Variants in FRMPD4 observed in about 807,000 individuals in gnomAD.
FRMPD4 encodes the protein FERM and PDZ domain-containing protein 4.
FRMPD4 carries 22 observed loss-of-function variants against 94.1 expected under a neutral mutation model. That is an observed-to-expected ratio of 0.23 (90% CI 0.17 to 0.33). The LOEUF is 0.33. FRMPD4 is among the 10% of genes least tolerant of loss of function. The probability of loss-of-function intolerance (pLI) is 1.00; values close to 1 mark genes in which losing one functional copy is unlikely to be tolerated. For missense variants in FRMPD4, 1,111 were observed against 1,339.9 expected, an observed-to-expected ratio of 0.83 and a Z score of 2.67; for synonymous variants, 631 against 548.6, an observed-to-expected ratio of 1.15 and a Z score of -2.10.
intron 1 of FRMPD4, among the ~76,000 whole-genome samples, chrX:12,362,390 T>A (rs1379119767): frequency 9.1e-6 from 1 of 110,210 alleles, no homozygotes; most frequent in Admixed American, 9.7e-5. Flanking sequence ...CGGTGTGTGA[T>A]GTTCCCCACC....
intron 1 of FRMPD4, among the ~76,000 whole-genome samples, chrX:12,423,055 A>AAGAGCAAAG: frequency 9.0e-6 from 1 of 110,552 alleles, no homozygotes; most frequent in Non-Finnish European, 1.9e-5. Flanking sequence ...GTAGGTTTCC[A>AAGAGCAAAG]AGAGCAAAGT....
chrX:12,001,201 A>G lies in FRMPD4; in HGVS notation c.95+123183A>G, dbSNP rs191624816. On this transcript the variant is annotated intron_variant, in intron 3 of 18. Transcript: ENST00000640291. ...CTCTATATACACCCCACTCCCTGGC[A>G]TAACATTTAATGTGTAGGCATTTGC... Among the ~76,000 whole-genome samples the G allele has an allele frequency of 2.5e-4, 28 of 111,956 alleles. No individual in the cohort carries two copies. In the East Asian group the frequency reaches 6.7e-3, roughly 27 times the overall value.
intron 3 of FRMPD4, among the ~76,000 whole-genome samples, chrX:12,073,572 G>T (rs756785768): frequency 4.6e-4 from 51 of 111,794 alleles, no homozygotes; most frequent in African/African-American, 1.7e-3. Flanking sequence ...GCTGACCCTT[G>T]TTTTATGGCA....
At chrX:11,859,919 T>C (rs773635905) in intron 1 of FRMPD4, among the ~76,000 whole-genome samples, 1 of 112,228 alleles carries the variant, frequency 8.9e-6, no homozygotes, top group Admixed American at 9.5e-5. Flanking sequence ...CCATGCCCTT[T>C]TCTTTCTTTT....
rs2042079554 is a variant in FRMPD4 at position 12,716,279 on chromosome X, A to T, written c.1820A>T (p.Asn607Ile). 8.3e-6 allele frequency: 10 copies of T among 1,210,900 alleles called. No individual in the cohort carries two copies. Among genetic ancestry groups the T allele is most frequent in the Non-Finnish European group, 1.1e-5 (10 of 894,590 alleles). Residue 607 changes from asparagine to isoleucine, a missense_variant, in exon 15 of 17, where the codon AAC becomes ATC. By Grantham distance (149) the Asn-to-Ile change is moderately radical. This residue lies in a region of FRMPD4 where 192 missense variants were observed against 192.5 expected (regional missense o/e 1.00). Transcript: ENST00000675598. ...AATGCCTATAGTTCAGATGGACTTA[A>T]CCAGCAGCTGAGCCAGCCCGGGGAG... The part of the protein sequence containing the change: ...IDNAYSSDGL[N>I]QQLSQPGEAP...
chrX:12,440,703 A>G (rs1189578085), intron 1 of FRMPD4, among the ~76,000 whole-genome samples: 1 of 107,459 alleles, frequency 9.3e-6, no homozygotes, highest in African/African-American at 3.4e-5. Context: ...GGGACTTGGG[A>G]GGGGGGGGAG....
chrX:12,156,296 C>T (rs778729091), intron 1 of FRMPD4, among the ~76,000 whole-genome samples: 3 of 111,654 alleles, frequency 2.7e-5, no homozygotes, highest in Admixed American at 1.9e-4. Context: ...GCAGCTCTCC[C>T]TACCTCTGTT....
chrX:12,132,239 G>GA (rs35315847), intron 3 of FRMPD4, among the ~76,000 whole-genome samples: 15,462 of 103,488 alleles, frequency 0.15, 917 homozygotes, highest in South Asian at 0.38. Context: ...GTTTAGGAGG[G>GA]AAAAAAAAAA....
intron 1 of FRMPD4, among the ~76,000 whole-genome samples, chrX:12,441,290 A>G (rs2057133554): frequency 8.9e-6 from 1 of 112,522 alleles, no homozygotes; most frequent in South Asian, 3.7e-4. Context: ...CCCAAATTGC[A>G]TATTTAAAAA....
Position 12,710,449 on chromosome X carries a change from G to A in FRMPD4, c.1521G>A (p.Leu507=), listed in dbSNP as rs765418336. The change falls in exon 14 of 17, where the codon TTG becomes TTA. Residue 507 remains leucine (L), a synonymous_variant. Transcript: ENST00000675598. ...CAGATGCCATGAACCTGGCCTGCTT[G>A]ACGGCTGGATACTACCGGCTGCTTG... ...ESSDAMNLAC[L]TAGYYRLLVD... is the part of the protein sequence containing the mutation. 5.8e-6 allele frequency: 7 copies of A among 1,201,784 alleles called. No homozygotes were observed. The South Asian group carries it at 1.2e-4, about 21-fold the overall frequency.
chrX:12,664,562 C>T (rs1290058320), intron 4 of FRMPD4, among the ~76,000 whole-genome samples: 1 of 111,944 alleles, frequency 8.9e-6, no homozygotes, highest in Non-Finnish European at 1.9e-5. Context: ...CCGACTTGAT[C>T]ATGGTGGATA....
chrX:12,121,060 C>A (rs2055449590), intron 3 of FRMPD4, among the ~76,000 whole-genome samples: 1 of 108,520 alleles, frequency 9.2e-6, no homozygotes, highest in African/African-American at 3.3e-5. Flanking sequence ...AATACTAAGA[C>A]TTTATTTGCT....
chrX:12,614,748 C>G (rs1284717877), intron 3 of FRMPD4, 31 bp from the exon 4 acceptor site: 2 of 778,552 alleles, frequency 2.6e-6, no homozygotes, highest in Non-Finnish European at 3.9e-6. Flanking sequence ...TAATGGTCTT[C>G]TCACCTGTGC....
intron 3 of FRMPD4, among the ~76,000 whole-genome samples, chrX:11,996,406 C>T (rs1345499862): frequency 1.8e-5 from 2 of 112,132 alleles, no homozygotes; most frequent in Admixed American, 9.4e-5. Context: ...CAATCATGTT[C>T]CCAGAGTGGT....
intron 3 of FRMPD4, among the ~76,000 whole-genome samples, chrX:12,033,136 C>T (rs765333249): frequency 1.8e-5 from 2 of 111,498 alleles, no homozygotes; most frequent in East Asian, 5.6e-4. Flanking sequence ...GTCAATTTAG[C>T]GAGTTGAGTT....
At chrX:12,481,766 C>T (rs961438817) in intron 1 of FRMPD4, among the ~76,000 whole-genome samples, 1 of 104,801 alleles carries the variant, frequency 9.5e-6, no homozygotes, top group Non-Finnish European at 2.0e-5. Flanking sequence ...ATGGTGAAAC[C>T]CCGTCTCTAC....
At chrX:12,341,733 C>T (rs2055617540) in intron 1 of FRMPD4, 1 of 267,757 alleles carries the variant, frequency 3.7e-6, no homozygotes, top group African/African-American at 2.8e-5. Context: ...ATTGTTATGA[C>T]TCTTCCACAA....
intron 1 of FRMPD4, among the ~76,000 whole-genome samples, chrX:12,228,307 A>G (rs182433846): frequency 2.5e-3 from 281 of 112,655 alleles, no homozygotes; most frequent in Middle Eastern, 0.023. Flanking sequence ...CTACTTTTGT[A>G]TGACATTCAT....
intron 3 of FRMPD4, among the ~76,000 whole-genome samples, chrX:12,047,080 G>T (rs1008253930): frequency 9.3e-6 from 1 of 108,035 alleles, no homozygotes; most frequent in Non-Finnish European, 1.9e-5. Context: ...TTTATACATG[G>T]TTATATATAT....
Sources: gnomAD v4.1 joint callset for allele counts (sites outside exome capture counted in the v4.1 genomes callset) on GRCh38, gnomAD v4.1.1 for gene constraint, gnomAD v4.1.1 regional missense constraint, MANE v1.5 for transcripts, NCBI Gene and HGNC (gene_info 2026-07-23, HGNC 2026-07-21) for gene names.